Variants in STARD13 observed in about 807,000 individuals in gnomAD.
STARD13 encodes the protein StAR related lipid transfer domain containing 13.
A neutral mutation model predicts 106.4 loss-of-function variants in STARD13; 62 were observed. The ratio of observed to expected loss-of-function variants is 0.58; its 90% confidence interval spans 0.48 to 0.72. STARD13 has a LOEUF of 0.72. Ranked by LOEUF, STARD13 falls within the 30% of genes least tolerant of loss-of-function variation. STARD13 has a pLI of 0.00. For synonymous variants in STARD13, 565 were observed against 553.0 expected (o/e 1.02, Z -0.31); for missense variants, 1,387 against 1,424.0 (o/e 0.97, Z 0.42).
At chr13:33,109,432 G>C (rs1427319324) in intron 12 of STARD13, among the ~76,000 whole-genome samples, 1 of 152,204 alleles carries the variant, frequency 6.6e-6, no homozygotes, top group African/African-American at 2.4e-5. Flanking sequence ...AGCATCTGAA[G>C]TTATACAGAT....
the STARD13 span, among the ~76,000 whole-genome samples, chr13:33,358,476 T>C: frequency 5.9e-5 from 9 of 152,198 alleles, no homozygotes; most frequent in African/African-American, 1.4e-4. Flanking sequence ...AGTCTTTATA[T>C]CTAGCTCAGG....
downstream of STARD13, among the ~76,000 whole-genome samples, chr13:33,346,198 G>A (rs957262127): frequency 3.9e-5 from 6 of 152,186 alleles, no homozygotes; most frequent in African/African-American, 1.4e-4. Flanking sequence ...CTAGGTGAGC[G>A]AGCTTGGAAG....
chr13:33,346,869 C>T (rs913826825), downstream of STARD13, among the ~76,000 whole-genome samples: 10 of 151,810 alleles, frequency 6.6e-5, no homozygotes, highest in African/African-American at 1.7e-4. Flanking sequence ...AACTTCCGAC[C>T]GCAGGTGATC....
At chr13:33,510,724 T>C in the STARD13 span, among the ~76,000 whole-genome samples, 3 of 152,150 alleles carry the variant, frequency 2.0e-5, no homozygotes, top group Non-Finnish European at 4.4e-5. Context: ...TTTTGCCACA[T>C]TGTGGGGAGA....
chr13:33,207,822 A>G (rs747381603), intron 1 of STARD13, among the ~76,000 whole-genome samples: 6 of 152,190 alleles, frequency 3.9e-5, no homozygotes, highest in Non-Finnish European at 7.3e-5. Context: ...TTAATCCAGC[A>G]GGCCCTGCTC....
chr13:33,613,795 T>C, the STARD13 span, among the ~76,000 whole-genome samples: 3 of 152,166 alleles, frequency 2.0e-5, no homozygotes, highest in Non-Finnish European at 4.4e-5. Context: ...GGAGAAATGT[T>C]AATTTAGCAG....
At chr13:33,213,410 A>G (rs1459793314) in intron 1 of STARD13, among the ~76,000 whole-genome samples, 1 of 152,222 alleles carries the variant, frequency 6.6e-6, no homozygotes, top group Non-Finnish European at 1.5e-5. Context: ...TACAAAATTA[A>G]CTATGTTCAC....
chr13:33,601,955 G>A, the STARD13 span, among the ~76,000 whole-genome samples: 1 of 152,172 alleles, frequency 6.6e-6, no homozygotes, highest in Non-Finnish European at 1.5e-5. Flanking sequence ...TTAAGCAGTC[G>A]TATGGAAAAA....
the STARD13 span, among the ~76,000 whole-genome samples, chr13:33,638,706 G>C: frequency 7.2e-5 from 11 of 152,174 alleles, no homozygotes; most frequent in African/African-American, 2.7e-4. Context: ...ATTCTAAAAG[G>C]AGGAAGGCAT....
the STARD13 span, among the ~76,000 whole-genome samples, chr13:33,636,403 C>T: frequency 3.3e-5 from 5 of 152,082 alleles, no homozygotes; most frequent in East Asian, 3.9e-4. Flanking sequence ...GAGTAGGGAA[C>T]GTGTAAAATT....
the STARD13 span, among the ~76,000 whole-genome samples, chr13:33,384,807 A>G: frequency 2.0e-5 from 3 of 152,126 alleles, no homozygotes; most frequent in Non-Finnish European, 4.4e-5. Context: ...AAAAGACTGC[A>G]TGCTGAGCAA....
At chr13:33,551,311 A>G in the STARD13 span, among the ~76,000 whole-genome samples, 3 of 152,314 alleles carry the variant, frequency 2.0e-5, no homozygotes, top group East Asian at 5.8e-4. Context: ...TGTGTTGTGT[A>G]TCTGCATTTT....
intron 1 of STARD13, among the ~76,000 whole-genome samples, chr13:33,260,971 C>G (rs558497480): frequency 6.6e-6 from 1 of 152,184 alleles, no homozygotes; most frequent in Admixed American, 6.5e-5. Context: ...TATTTAGATT[C>G]ATGCCTGTCT....
At chr13:33,146,267 C>T (rs1352667484) in intron 3 of STARD13, among the ~76,000 whole-genome samples, 2 of 151,780 alleles carry the variant, frequency 1.3e-5, no homozygotes, top group African/African-American at 2.4e-5. Context: ...GAGGTTGCAG[C>T]GAGCCGAGAT....
intron 2 of STARD13, among the ~76,000 whole-genome samples, chr13:33,165,807 T>A (rs567262165): frequency 2.6e-5 from 4 of 152,328 alleles, no homozygotes; most frequent in East Asian, 1.9e-4. Context: ...TTGGCAGATT[T>A]TTTTCCTTCA....
chr13:33,370,684 C>T, the STARD13 span, among the ~76,000 whole-genome samples: 2 of 146,684 alleles, frequency 1.4e-5, no homozygotes, highest in Non-Finnish European at 3.0e-5. Context: ...AGTGGCGCAA[C>T]CTTGGCTGAC....
At chr13:33,277,972 C>G (rs1891540832) in intron 1 of STARD13, 1 of 152,092 alleles carries the variant, frequency 6.6e-6, no homozygotes, top group African/African-American at 2.4e-5. Flanking sequence ...TGCAATGTTC[C>G]TCTCCAAAAC....
At chr13:33,482,989 G>A in the STARD13 span, among the ~76,000 whole-genome samples, 4 of 152,098 alleles carry the variant, frequency 2.6e-5, no homozygotes, top group Non-Finnish European at 5.9e-5. Context: ...CATTGATTTG[G>A]GGACACCCTG....
At chr13:33,496,271 CAT>C in the STARD13 span, among the ~76,000 whole-genome samples, 1 of 147,980 alleles carries the variant, frequency 6.8e-6, no homozygotes, top group Non-Finnish European at 1.5e-5. Flanking sequence ...ATAGAATTTA[CAT>C]ATGAATTATA....
Sources: gnomAD v4.1 joint callset for allele counts (sites outside exome capture counted in the v4.1 genomes callset) on GRCh38, gnomAD v4.1.1 for gene constraint, MANE v1.5 for transcripts, NCBI Gene and HGNC (gene_info 2026-07-23, HGNC 2026-07-21) for gene names.